Variants in CIT observed in about 807,000 individuals in gnomAD.
The protein encoded by CIT is citron Rho-interacting kinase.
Under a neutral mutation model 272.7 loss-of-function variants are expected in CIT, and 79 were observed. That is an observed-to-expected ratio of 0.29 (90% CI 0.24 to 0.35). The LOEUF is 0.35. Among genes scored for constraint, CIT ranks in the 10% least tolerant of loss-of-function variants. The probability of loss-of-function intolerance (pLI) is 1.00; values close to 1 mark genes in which losing one functional copy is unlikely to be tolerated. For missense variants in CIT, 1,909 were observed against 2,618.3 expected (o/e 0.73, Z 5.91); for synonymous variants, 948 against 995.6 (o/e 0.95, Z 0.90).
At chr12:119,788,979 T>C (rs2137753383) in intron 10 of CIT, among the ~76,000 whole-genome samples, 1 of 152,254 alleles carries the variant, frequency 6.6e-6, no homozygotes, top group East Asian at 1.9e-4. Flanking sequence ...AACAATCCCA[T>C]AAACAATCAT....
intron 27 of CIT, among the ~76,000 whole-genome samples, chr12:119,729,217 C>T (rs1215697822): frequency 1.3e-5 from 2 of 152,158 alleles, no homozygotes; most frequent in Non-Finnish European, 2.9e-5. Context: ...AAAGGCCTCA[C>T]ATAGCTCTAA....
chr12:119,690,200 C>T lies in CIT; in HGVS notation c.6137G>A (p.Gly2046Asp), dbSNP rs779935583. The T allele has an allele frequency of 1.3e-6, 2 of 1,497,432 alleles. No individual in the cohort carries two copies. Among genetic ancestry groups the T allele is most frequent in the South Asian group, 1.4e-5 (1 of 72,414 alleles). The allele number at this position is 1,497,432 out of a possible 1,614,324, so 92.8% of individuals were successfully genotyped here. A position where few individuals can be genotyped will look rare whatever the true frequency, so the allele number is the denominator to read the frequency against. ...CCTCACGGCTCCCGCAGGCAGCCGG[C>T]CCCTGCTGCTGTCTTCAAACAGCCT... ...PGRLFEDSSR[G>D]RLPAGAVRTP... Residue 2046 changes from glycine (G) to aspartate (D), a missense_variant, in exon 47 of 48, where the codon GGC (glycine) becomes GAC (aspartate). Physicochemically the swap from Gly to Asp is moderately conservative, Grantham distance 94 (BLOSUM62 -1). This residue lies in a region of CIT where 780 missense variants were observed against 1,067.2 expected (regional missense o/e 0.73). Coordinates refer to ENST00000392521, the MANE Select transcript of CIT (RefSeq NM_001206999.2). The surrounding 1 kb of genome is among the most constrained non-coding windows in gnomAD (Gnocchi z 6.0).
In CIT at chr12:119,784,846, A is replaced by T; in HGVS notation, c.1401+114T>A. On this transcript the variant is annotated intron_variant, in intron 11 of 47. Transcript: ENST00000392521. The surrounding 1 kb of genome is among the most constrained non-coding windows in gnomAD (Gnocchi z 4.7). ...ACTTCAGCGAAGGCAGGAGCGCCTC[A>T]CTCTCTACGGATCAGGCGGCTCAGA... is the stretch of plus-strand genomic sequence containing the variant. The T allele has an allele frequency of 2.0e-6, 3 of 1,480,066 alleles. No individual in the cohort carries two copies. The South Asian group carries it at 4.3e-5, about 21-fold the overall frequency. 91.7% of individuals were successfully genotyped at this position (1,480,066 alleles called of 1,614,324 possible). A position where few individuals can be genotyped will look rare whatever the true frequency, so the allele number is the denominator to read the frequency against.
chr12:119,692,350 AT>A (rs1373722682), intron 46 of CIT, among the ~76,000 whole-genome samples: 1 of 152,242 alleles, frequency 6.6e-6, no homozygotes, highest in Non-Finnish European at 1.5e-5. Context: ...AATCCTTGAT[AT>A]TTAAATCCTT....
intron 19 of CIT, among the ~76,000 whole-genome samples, chr12:119,762,374 TG>T (rs1447896181): frequency 2.0e-5 from 3 of 152,164 alleles, no homozygotes; most frequent in African/African-American, 7.2e-5. Flanking sequence ...TCTAAAATTA[TG>T]AGCAAGAACA....
intron 23 of CIT, among the ~76,000 whole-genome samples, chr12:119,746,025 T>C (rs1343761969): frequency 6.6e-6 from 1 of 152,196 alleles, no homozygotes; most frequent in African/African-American, 2.4e-5. Flanking sequence ...GAATACTGCT[T>C]ACCCAAAGTA....
At chr12:119,806,124 C>T (rs79228511) in intron 9 of CIT, among the ~76,000 whole-genome samples, 1 of 87,982 alleles carries the variant, frequency 1.1e-5, no homozygotes, top group African/African-American at 5.5e-5. Context: ...GGAACAAGAG[C>T]GAAACACCAT....
Position 119,686,179 on chromosome 12 carries a change from C to G in CIT, c.*2053G>C, listed in dbSNP as rs1955572846. On this transcript the variant is annotated 3_prime_UTR_variant, in exon 48 of 48. Coordinates refer to ENST00000392521, the MANE Select transcript of CIT (RefSeq NM_001206999.2). ...AAAGTTTCTTGTAAATATGTACAGT[C>G]TTTTGAGCTAGTTCTATATAGCAGA... 1 of 151,986 alleles carries G rather than the reference C, an allele frequency of 6.6e-6. No homozygotes were observed. The highest frequency in any genetic ancestry group is 6.6e-5 in the Admixed American group (1 of 15,218). 9.4% of individuals were successfully genotyped at this position (151,986 alleles called of 1,614,324 possible).
In CIT at chr12:119,876,097, G is replaced by A. The variant is rs1322959256; in HGVS notation, c.72C>T (p.Ala24=). The change falls in exon 2 of 48, where the codon GCC becomes GCT. Residue 24 remains alanine, a synonymous_variant. Coordinates refer to ENST00000392521, the MANE Select transcript of CIT (RefSeq NM_001206999.2). ...CCTGGAAGAACAGATTCAGCCTGGAGGCCCGGCTGGCAATGGGTTCAGCAG... is the reference window on the plus strand; with the variant it reads ...CCTGGAAGAACAGATTCAGCCTGGAAGCCCGGCTGGCAATGGGTTCAGCAG... The part of the protein sequence containing the change: ...AGAAEPIASR[A]SRLNLFFQGK... 2 of 1,613,636 alleles carry A rather than the reference G, an allele frequency of 1.2e-6. No homozygotes were observed. Among genetic ancestry groups the A allele is most frequent in the African/African-American group, 2.7e-5 (2 of 75,034 alleles).
intron 5 of CIT, among the ~76,000 whole-genome samples, chr12:119,835,298 C>A (rs1968917368): frequency 6.6e-6 from 1 of 152,222 alleles, no homozygotes; most frequent in African/African-American, 2.4e-5. Context: ...TAAGACTAAT[C>A]CTCTTGCAGC....
At chr12:119,844,676 C>G (rs1341365217) in intron 5 of CIT, among the ~76,000 whole-genome samples, 1 of 152,072 alleles carries the variant, frequency 6.6e-6, no homozygotes. Context: ...CAACAAAGTA[C>G]TTGAGAAGAA....
chr12:119,798,703 G>T (rs1374762492), intron 10 of CIT, among the ~76,000 whole-genome samples: 1 of 152,150 alleles, frequency 6.6e-6, no homozygotes, highest in Non-Finnish European at 1.5e-5. Flanking sequence ...TACTGCTCCA[G>T]GAAAACCAGG....
chr12:119,876,207 T>C (rs764816659), intron 1 of CIT, 26 bp from the exon 2 acceptor site: 16 of 1,464,576 alleles, frequency 1.1e-5, no homozygotes, highest in South Asian at 2.3e-5. Flanking sequence ...AAAAGTCAAG[T>C]GTGTCCTATG....
chr12:119,789,073 T>A (rs1965069777), intron 10 of CIT, among the ~76,000 whole-genome samples: 1 of 152,134 alleles, frequency 6.6e-6, no homozygotes, highest in Non-Finnish European at 1.5e-5. Context: ...CACATTAGAA[T>A]CACTTGGAGA....
At chr12:119,743,868 A>AG (rs994094266) in intron 23 of CIT, among the ~76,000 whole-genome samples, 8 of 152,192 alleles carry the variant, frequency 5.3e-5, no homozygotes, top group Non-Finnish European at 1.0e-4. Flanking sequence ...ACAGCAAAGA[A>AG]GAAAAAAAAG....
intron 10 of CIT, among the ~76,000 whole-genome samples, chr12:119,788,129 G>C (rs756451469): frequency 1.2e-4 from 18 of 152,168 alleles, no homozygotes; most frequent in Non-Finnish European, 1.6e-4. Flanking sequence ...TGGGCAACAG[G>C]GATTGGATCC....
chr12:119,775,909 G>A, intron 15 of CIT, 70 bp from the exon 16 acceptor site: 2 of 1,270,470 alleles, frequency 1.6e-6, no homozygotes, highest in Non-Finnish European at 2.3e-6. Context: ...ATTTATTGCA[G>A]TCCTATTCTC....
intron 17 of CIT, among the ~76,000 whole-genome samples, chr12:119,772,302 TCAACAA>T (rs949382145): frequency 6.6e-6 from 1 of 152,110 alleles, no homozygotes; most frequent in Non-Finnish European, 1.5e-5. Context: ...ACAAATGATT[TCAACAA>T]CAACAACAAC....
intron 23 of CIT, among the ~76,000 whole-genome samples, chr12:119,743,617 T>A (rs1440248994): frequency 6.6e-6 from 1 of 152,208 alleles, no homozygotes; most frequent in Non-Finnish European, 1.5e-5. Flanking sequence ...ATAGGAAACT[T>A]CTGCTTTAGA....
Sources: allele counts gnomAD v4.1 joint callset (sites outside exome capture counted in the v4.1 genomes callset), GRCh38; gene constraint gnomAD v4.1.1; regional missense constraint gnomAD v4.1.1; non-coding constraint Gnocchi (gnomAD v3.1); transcripts MANE v1.5; gene names NCBI Gene and HGNC (gene_info 2026-07-23, HGNC 2026-07-21).